The following DDAH1 variants were observed in gnomAD, a reference collection of about 807,000 sequenced individuals.
DDAH1 encodes the protein N(G),N(G)-dimethylarginine dimethylaminohydrolase 1.
DDAH1 carries 19 observed loss-of-function variants against 28.8 expected under a neutral mutation model. The ratio of observed to expected loss-of-function variants is 0.66; its 90% CI spans 0.46 to 0.97. DDAH1 has a LOEUF of 0.97. Ranked by LOEUF, DDAH1 falls within the 50% of genes least tolerant of loss-of-function variation. The pLI, the probability that DDAH1 is intolerant of heterozygous loss-of-function variation, is 0.00. For missense variants in DDAH1, 326 were observed against 375.9 expected, an observed-to-expected ratio of 0.87 and a Z score of 1.10; for synonymous variants, 153 against 154.4, an observed-to-expected ratio of 0.99 and a Z score of 0.07.
intron 2 of DDAH1, among the ~76,000 whole-genome samples, chr1:85,355,999 A>G (rs1369447552): frequency 6.6e-6 from 1 of 152,216 alleles, no homozygotes; most frequent in Non-Finnish European, 1.5e-5. Flanking sequence ...AGAACAACAA[A>G]GCAATAATTA....
At chr1:85,383,600 T>C (rs1212426518) in intron 1 of DDAH1, among the ~76,000 whole-genome samples, 1 of 152,204 alleles carries the variant, frequency 6.6e-6, no homozygotes, top group Non-Finnish European at 1.5e-5. Flanking sequence ...GTGAGTAAAA[T>C]GCTATCAAAC....
At chr1:85,424,670 C>T (rs1653310641) in intron 1 of DDAH1, among the ~76,000 whole-genome samples, 1 of 152,016 alleles carries the variant, frequency 6.6e-6, no homozygotes, top group South Asian at 2.1e-4. Flanking sequence ...AAACACCAGT[C>T]AATTTTCCTG....
intron 4 of DDAH1, 26 bp from the exon 5 acceptor site, chr1:85,324,909 A>G: frequency 6.2e-7 from 1 of 1,611,786 alleles, no homozygotes; most frequent in South Asian, 1.1e-5. Flanking sequence ...AAGCAGGCCT[A>G]AGAAGAGTAA....
rs144734620 is a variant in DDAH1 at position 85,358,821 on chromosome 1, T to C, written c.330A>G (p.Glu110=). ...KEVDMMKEAL[E]KLQLNIVEMK... Reference sequence around the variant, plus strand: ...TCTCTACTATATTGAGCTGAAGTTTTTCTAATGCTTCTTTCATCATGTCAA... The same window carrying C: ...TCTCTACTATATTGAGCTGAAGTTTCTCTAATGCTTCTTTCATCATGTCAA... Residue 110 remains glutamate (E), a synonymous_variant, in exon 2 of 6, where the codon GAA becomes GAG. Coordinates refer to ENST00000284031, the MANE Select transcript of DDAH1 (RefSeq NM_012137.4). 5.5e-4 allele frequency: 880 copies of C among 1,608,864 alleles called. No homozygotes were observed. Among genetic ancestry groups the C allele is most frequent in the Non-Finnish European group, 7.3e-4 (855 of 1,178,166 alleles).
chr1:85,476,533 T>C (rs1318228550), intron 2 of DDAH1, among the ~76,000 whole-genome samples: 2 of 152,078 alleles, frequency 1.3e-5, no homozygotes, highest in African/African-American at 2.4e-5. Context: ...AGCTTCTTCA[T>C]GTGGCTCAGG....
chr1:85,441,870 A>T (rs539141043), intron 1 of DDAH1, among the ~76,000 whole-genome samples: 1 of 152,320 alleles, frequency 6.6e-6, no homozygotes, highest in Admixed American at 6.5e-5. Context: ...ATTCCGAAAG[A>T]ATAGTTTTGA....
At chr1:85,414,652 G>C (rs916639750) in intron 1 of DDAH1, among the ~76,000 whole-genome samples, 1 of 152,176 alleles carries the variant, frequency 6.6e-6, no homozygotes, top group African/African-American at 2.4e-5. Context: ...ATGGAGGAGA[G>C]AGATTCTCCT....
intron 1 of DDAH1, among the ~76,000 whole-genome samples, chr1:85,512,821 C>G (rs1169963154): frequency 6.6e-6 from 1 of 152,140 alleles, no homozygotes; most frequent in Non-Finnish European, 1.5e-5. Context: ...TCAAGGAGAA[C>G]TACAAACCAC....
At chr1:85,323,404 T>C (rs1307749313) in intron 5 of DDAH1, among the ~76,000 whole-genome samples, 1 of 152,086 alleles carries the variant, frequency 6.6e-6, no homozygotes, top group Non-Finnish European at 1.5e-5. Context: ...AAAATCGAAA[T>C]TACTAAAGTA....
intron 1 of DDAH1, among the ~76,000 whole-genome samples, chr1:85,443,037 C>A (rs959341993): frequency 6.6e-6 from 1 of 152,172 alleles, no homozygotes; most frequent in African/African-American, 2.4e-5. Context: ...TTAATTAGAT[C>A]CCATTTGTCA....
chr1:85,574,955 G>A (rs1659560455), intron 1 of DDAH1, among the ~76,000 whole-genome samples: 4 of 151,936 alleles, frequency 2.6e-5, no homozygotes, highest in Non-Finnish European at 5.9e-5. Context: ...AAAACAGACG[G>A]GGAGCCTGGT....
At chr1:85,365,950 G>A (rs78099428) in intron 1 of DDAH1, among the ~76,000 whole-genome samples, 4,541 of 152,198 alleles carry the variant, frequency 0.03, 227 homozygotes, top group African/African-American at 0.1. Flanking sequence ...ACCCTTAAAC[G>A]TGGGTTTAAA....
At chr1:85,403,112 G>A (rs1652227879) in intron 1 of DDAH1, among the ~76,000 whole-genome samples, 2 of 151,704 alleles carry the variant, frequency 1.3e-5, no homozygotes, top group Admixed American at 6.6e-5. Context: ...GATCTGGTGA[G>A]TAACAATCAC....
At position 85,321,627 on chromosome 1, in the gene DDAH1, A is replaced by T. The variant is rs57762785; in HGVS notation, c.742-59T>A. 6.0e-4 allele frequency: 781 copies of T among 1,295,972 alleles called. 3 individuals carry two copies. The African/African-American group carries it at 0.01, about 17-fold the overall frequency. The allele number at this position is 1,295,972 out of a possible 1,614,324, so 80.3% of individuals were successfully genotyped here. ...AGGATTATGTTTTACCATCCTCAGA[A>T]GTGGAGAATCAATTTGATTTGTACA... is the stretch of plus-strand genomic sequence containing the variant. On this transcript the variant is annotated intron_variant, in intron 5 of 5. Coordinates refer to ENST00000284031, the MANE Select transcript of DDAH1 (RefSeq NM_012137.4).
At chr1:85,523,557 C>T (rs1557722651) in intron 1 of DDAH1, among the ~76,000 whole-genome samples, 1 of 152,036 alleles carries the variant, frequency 6.6e-6, no homozygotes, top group East Asian at 1.9e-4. Context: ...CCAGCTCTGG[C>T]TACAATGTGG....
intron 1 of DDAH1, among the ~76,000 whole-genome samples, chr1:85,541,592 T>C (rs1463462961): frequency 1.3e-5 from 2 of 152,260 alleles, no homozygotes; most frequent in African/African-American, 2.4e-5. Context: ...TGGTGATCTA[T>C]CACTAAAACC....
intron 1 of DDAH1, among the ~76,000 whole-genome samples, chr1:85,407,428 G>A (rs562514197): frequency 1.3e-5 from 2 of 152,270 alleles, no homozygotes; most frequent in East Asian, 3.9e-4. Context: ...AATGTACCCT[G>A]ACCTCTTTTA....
Position 85,351,543 on chromosome 1 carries a change from T to G in DDAH1, c.440A>C (p.Asn147Thr), listed in dbSNP as rs202072856. ...EFFVGLSKRTNQRGAEILADT... is the reference protein window; with the variant it reads ...EFFVGLSKRTTQRGAEILADT... ...AGCCAAGATTTCAGCACCTCGTTGATTTGTCCTTTTGGAAAGGCCCACAAA... is the reference window on the plus strand; with the variant it reads ...AGCCAAGATTTCAGCACCTCGTTGAGTTGTCCTTTTGGAAAGGCCCACAAA... Residue 147 changes from asparagine (N) to threonine (T), a missense_variant, in exon 3 of 6, where the codon AAT becomes ACT. Transcript: ENST00000284031. 5.6e-6 allele frequency: 9 copies of G among 1,614,122 alleles called. No homozygotes were observed. In the Admixed American group the frequency reaches 8.3e-5, roughly 15 times the overall value.
intron 2 of DDAH1, among the ~76,000 whole-genome samples, chr1:85,480,160 C>A (rs1219637193): frequency 1.3e-5 from 2 of 152,154 alleles, no homozygotes; most frequent in South Asian, 2.1e-4. Flanking sequence ...CTTAGAAATT[C>A]TTCTATGTGC....
Sources: gnomAD v4.1 joint callset for allele counts (sites outside exome capture counted in the v4.1 genomes callset) on GRCh38, gnomAD v4.1.1 for gene constraint, MANE v1.5 for transcripts, NCBI Gene and HGNC (gene_info 2026-07-23, HGNC 2026-07-21) for gene names.